ADAMTS3: variants seen among roughly 807,000 people sequenced by gnomAD.
ADAMTS3 encodes A disintegrin and metalloproteinase with thrombospondin motifs 3.
A neutral mutation model predicts 129.0 loss-of-function variants in ADAMTS3; 73 were observed. The observed-to-expected ratio is 0.57, with a 90% confidence interval of 0.47 to 0.69. The LOEUF (loss-of-function observed/expected upper bound fraction) is 0.69. Ranked by LOEUF, ADAMTS3 falls within the 30% of genes least tolerant of loss-of-function variation. ADAMTS3 has a pLI of 0.00. For synonymous variants in ADAMTS3, 477 were observed against 510.8 expected, an observed-to-expected ratio of 0.93 and a Z score of 0.89; for missense variants, 1,457 against 1,514.5, an observed-to-expected ratio of 0.96 and a Z score of 0.63.
At chr4:72,309,361 A>G (rs560849256) in intron 15 of ADAMTS3, 36 bp downstream of exon 15, 3 of 1,603,502 alleles carry the variant, frequency 1.9e-6, no homozygotes, top group Non-Finnish European at 2.6e-6. Flanking sequence ...CAAATCACAG[A>G]GAAGAATACT....
intron 17 of ADAMTS3, among the ~76,000 whole-genome samples, chr4:72,302,456 G>A (rs564680236): frequency 3.9e-5 from 6 of 152,124 alleles, no homozygotes; most frequent in Non-Finnish European, 8.8e-5. Flanking sequence ...TCTGAAAAAT[G>A]TATTTTAAAA....
intron 3 of ADAMTS3, among the ~76,000 whole-genome samples, chr4:72,446,067 ATTGACT>A (rs1560518200): frequency 6.6e-6 from 1 of 151,676 alleles, no homozygotes; most frequent in Non-Finnish European, 1.5e-5. Flanking sequence ...GGGCTCCCTC[ATTGACT>A]CAGTTGCTCA....
chr4:72,328,396 T>C (rs781145747), intron 5 of ADAMTS3, among the ~76,000 whole-genome samples: 40 of 152,216 alleles, frequency 2.6e-4, no homozygotes, highest in Admixed American at 9.2e-4. Flanking sequence ...CTGACCTGCT[T>C]TGTCTGACTA....
chr4:72,512,729 CTACT>C (rs1253863640), intron 3 of ADAMTS3, among the ~76,000 whole-genome samples: 1 of 152,010 alleles, frequency 6.6e-6, no homozygotes, highest in African/African-American at 2.4e-5. Flanking sequence ...ATATATACAC[CTACT>C]ATGTACCCAC....
At chr4:72,339,469 G>A in intron 5 of ADAMTS3, 25 bp downstream of exon 5, 1 of 1,608,272 alleles carries the variant, frequency 6.2e-7, no homozygotes, top group South Asian at 1.1e-5. Flanking sequence ...AGATCAAAAA[G>A]CTTTAAAAAG....
intron 4 of ADAMTS3, among the ~76,000 whole-genome samples, chr4:72,387,004 C>A (rs935589990): frequency 6.6e-6 from 1 of 152,168 alleles, no homozygotes; most frequent in Non-Finnish European, 1.5e-5. Flanking sequence ...ATAGCTAAGA[C>A]TATCCAAAAT....
rs143858049 is a variant in ADAMTS3, at chr4:72,325,074, G to A, written c.862-1977C>T. ...CGCTAAAAAATTTTATAAGTGAGAG[G>A]GAGGAAAGGGTTTTTTAAGGATATT... On this transcript the variant is annotated intron_variant, in intron 5 of 21. Coordinates refer to ENST00000286657, the MANE Select transcript of ADAMTS3 (RefSeq NM_014243.3). 3.3e-3 allele frequency among the ~76,000 whole-genome samples: 500 copies of A among 151,944 alleles called. 6 individuals are homozygous for A. Among genetic ancestry groups the A allele is most frequent in the African/African-American group, 0.011 (475 of 41,442 alleles).
In ADAMTS3 at chr4:72,485,387, A is replaced by G. The variant is rs924067328; in HGVS notation, c.504+63091T>C. 2.6e-5 allele frequency among the ~76,000 whole-genome samples: 4 copies of G among 152,140 alleles called. No homozygotes were observed. The South Asian group carries it at 8.3e-4, about 31-fold the overall frequency. ...AGTAATGATTTTAGAAGTGATATAAATTTTTAAAATTTTGATCAGATCATA... is the reference window on the plus strand; with the variant it reads ...AGTAATGATTTTAGAAGTGATATAAGTTTTTAAAATTTTGATCAGATCATA... On this transcript the variant is annotated intron_variant, in intron 3 of 21. Transcript: ENST00000286657.
At chr4:72,380,527 C>A (rs145701270) in intron 4 of ADAMTS3, among the ~76,000 whole-genome samples, 12 of 152,280 alleles carry the variant, frequency 7.9e-5, no homozygotes, top group Admixed American at 7.9e-4. Flanking sequence ...ATCAAACAAG[C>A]ATAGCCTATT....
Position 72,311,028 on chromosome 4 carries a change from G to T in ADAMTS3, c.2055+20C>A. 1 of 1,568,872 alleles carries T rather than the reference G, an allele frequency of 6.4e-7. No individual in the cohort carries two copies. Among genetic ancestry groups the T allele is most frequent in the South Asian group, 1.2e-5 (1 of 83,978 alleles). On this transcript the variant is annotated intron_variant, in intron 14 of 21. Coordinates refer to ENST00000286657, the MANE Select transcript of ADAMTS3 (RefSeq NM_014243.3). Reference sequence around the variant, plus strand: ...ACGTAGATAACGTAGAAAGCCTTTGGGGAAGCAATTTGAACTTACCACACA... The same window carrying T: ...ACGTAGATAACGTAGAAAGCCTTTGTGGAAGCAATTTGAACTTACCACACA...
chr4:72,437,671 C>G (rs1185680772), intron 3 of ADAMTS3, among the ~76,000 whole-genome samples: 1 of 151,734 alleles, frequency 6.6e-6, no homozygotes, highest in Non-Finnish European at 1.5e-5. Flanking sequence ...ATGAACCAAT[C>G]TTCTAGAGGG....
chr4:72,517,990 C>T (rs1408437284), intron 3 of ADAMTS3, among the ~76,000 whole-genome samples: 7 of 151,724 alleles, frequency 4.6e-5, no homozygotes, highest in African/African-American at 7.3e-5. Context: ...ATAAATTTCC[C>T]TCTACACACT....
At chr4:72,428,839 C>T (rs943766704) in intron 3 of ADAMTS3, among the ~76,000 whole-genome samples, 1 of 151,916 alleles carries the variant, frequency 6.6e-6, no homozygotes, top group Non-Finnish European at 1.5e-5. Flanking sequence ...TTAGAGCTCC[C>T]AAGACATGAA....
chr4:72,369,300 C>T (rs979544388), intron 4 of ADAMTS3, among the ~76,000 whole-genome samples: 3 of 152,252 alleles, frequency 2.0e-5, no homozygotes, highest in African/African-American at 7.2e-5. Flanking sequence ...AAACTCAAGC[C>T]ATCTATGTTC....
chr4:72,449,650 T>A (rs1188555664), intron 3 of ADAMTS3, among the ~76,000 whole-genome samples: 1 of 151,748 alleles, frequency 6.6e-6, no homozygotes, highest in African/African-American at 2.4e-5. Flanking sequence ...AAAAGGCAAA[T>A]CATACCATAT....
intron 3 of ADAMTS3, among the ~76,000 whole-genome samples, chr4:72,494,123 G>C (rs1257911598): frequency 1.3e-5 from 2 of 152,138 alleles, no homozygotes; most frequent in East Asian, 3.8e-4. Flanking sequence ...TCCCGCTCAA[G>C]ATTTGGGAAG....
In ADAMTS3 at chr4:72,509,275, G is replaced by A. The variant is rs114097473; in HGVS notation, c.504+39203C>T. ...GTAGAAGAAAAAAAAAATAAAGGTCGGACCAGAAATAAATGAAATTGAAAT... is the reference window on the plus strand; with the variant it reads ...GTAGAAGAAAAAAAAAATAAAGGTCAGACCAGAAATAAATGAAATTGAAAT... On this transcript the variant is annotated intron_variant, in intron 3 of 21. Coordinates refer to ENST00000286657, the MANE Select transcript of ADAMTS3 (RefSeq NM_014243.3). 2.2e-3 allele frequency among the ~76,000 whole-genome samples: 331 copies of A among 150,402 alleles called. 1 individual carries two copies. The highest frequency in any genetic ancestry group is 7.1e-3 in the African/African-American group (291 of 41,098).
intron 3 of ADAMTS3, among the ~76,000 whole-genome samples, chr4:72,541,337 C>T (rs1369835064): frequency 6.6e-6 from 1 of 152,206 alleles, no homozygotes; most frequent in Non-Finnish European, 1.5e-5. Flanking sequence ...CCTGTACCCA[C>T]ATTGTATGTA....
At chr4:72,305,724 T>G (rs968723553) in intron 16 of ADAMTS3, among the ~76,000 whole-genome samples, 3 of 152,024 alleles carry the variant, frequency 2.0e-5, no homozygotes, top group African/African-American at 7.2e-5. Flanking sequence ...TTCTTACATA[T>G]ACGTATGCAC....
Sources: gnomAD v4.1 joint callset for allele counts (sites outside exome capture counted in the v4.1 genomes callset) on GRCh38, gnomAD v4.1.1 for gene constraint, MANE v1.5 for transcripts, NCBI Gene and HGNC (gene_info 2026-07-23, HGNC 2026-07-21) for gene names.